The following TMPRSS11F variants were observed in gnomAD, a reference collection of about 807,000 sequenced individuals.
TMPRSS11F encodes the protein transmembrane protease serine 11F.
A neutral mutation model predicts 60.2 loss-of-function variants in TMPRSS11F; 47 were observed. That is an observed-to-expected ratio of 0.78 (90% CI 0.62 to 1.00). TMPRSS11F has a LOEUF of 1.00. TMPRSS11F is among the 50% of genes least tolerant of loss of function. TMPRSS11F has a pLI of 0.00. For missense variants in TMPRSS11F, 519 were observed against 522.9 expected (o/e 0.99, Z 0.07); for synonymous variants, 166 against 167.3 (o/e 0.99, Z 0.06).
At chr4:68,087,927 T>A in intron 3 of TMPRSS11F, among the ~76,000 whole-genome samples, 1 of 140,554 alleles carries the variant, frequency 7.1e-6, no homozygotes, top group Non-Finnish European at 1.5e-5. Context: ...TGTCCATGTG[T>A]TCTCATTGTT....
intron 2 of TMPRSS11F, among the ~76,000 whole-genome samples, chr4:68,092,163 T>C (rs1418944010): frequency 1.3e-5 from 2 of 151,814 alleles, no homozygotes; most frequent in Non-Finnish European, 2.9e-5. Flanking sequence ...TAAATATTCA[T>C]TTAAATTTTT....
At chr4:68,104,450 T>C (rs1724258255) in intron 1 of TMPRSS11F, among the ~76,000 whole-genome samples, 1 of 152,084 alleles carries the variant, frequency 6.6e-6, no homozygotes, top group African/African-American at 2.4e-5. Context: ...CTCATGATAG[T>C]GAGTGAGTTC....
chr4:68,074,144 A>G, intron 3 of TMPRSS11F, 135 bp from the exon 4 acceptor site: 1 of 514,774 alleles, frequency 1.9e-6, no homozygotes, highest in East Asian at 3.5e-5. Context: ...AAAAATAAAA[A>G]TAAAAAAGAT....
At chr4:68,082,730 T>C (rs954374055) in intron 3 of TMPRSS11F, among the ~76,000 whole-genome samples, 3 of 152,212 alleles carry the variant, frequency 2.0e-5, no homozygotes, top group Non-Finnish European at 4.4e-5. Flanking sequence ...CAAGCTGAGA[T>C]CTGTGGCTGG....
chr4:68,103,724 G>T (rs1290197198), intron 1 of TMPRSS11F, among the ~76,000 whole-genome samples: 1 of 152,068 alleles, frequency 6.6e-6, no homozygotes, highest in Non-Finnish European at 1.5e-5. Context: ...TAGGGATTGT[G>T]TTAGATCTAT....
intron 3 of TMPRSS11F, among the ~76,000 whole-genome samples, chr4:68,089,855 T>C (rs17089034): frequency 0.036 from 5,431 of 152,194 alleles, 274 homozygotes; most frequent in African/African-American, 0.11. Context: ...TTCTTGGTTC[T>C]AGAATAACTC....
intron 3 of TMPRSS11F, among the ~76,000 whole-genome samples, chr4:68,083,106 G>T (rs1723739649): frequency 6.6e-6 from 1 of 152,158 alleles, no homozygotes; most frequent in Non-Finnish European, 1.5e-5. Context: ...ACACCACCCT[G>T]CCCAGAGACC....
intron 1 of TMPRSS11F, among the ~76,000 whole-genome samples, chr4:68,126,735 A>G (rs1381006302): frequency 1.3e-5 from 2 of 152,270 alleles, no homozygotes; most frequent in Non-Finnish European, 2.9e-5. Flanking sequence ...ATAAATGAAA[A>G]CAAATTAGCA....
chr4:68,064,402 G>A (rs1386641589), intron 8 of TMPRSS11F, among the ~76,000 whole-genome samples: 1 of 152,016 alleles, frequency 6.6e-6, no homozygotes, highest in Non-Finnish European at 1.5e-5. Context: ...GGCCAGGTGT[G>A]TCTTGAACTC....
At chr4:68,124,878 TTTATC>T (rs1299875122) in intron 1 of TMPRSS11F, among the ~76,000 whole-genome samples, 2 of 152,088 alleles carry the variant, frequency 1.3e-5, no homozygotes, top group East Asian at 1.9e-4. Context: ...CCAACTTGCT[TTTATC>T]TTATCTTACC....
intron 1 of TMPRSS11F, among the ~76,000 whole-genome samples, chr4:68,123,419 T>A (rs958356571): frequency 6.6e-6 from 1 of 152,208 alleles, no homozygotes; most frequent in African/African-American, 2.4e-5. Context: ...GCTCATTCTG[T>A]GAAAAAGTGA....
intron 3 of TMPRSS11F, among the ~76,000 whole-genome samples, chr4:68,075,483 G>T (rs188908603): frequency 1.3e-5 from 2 of 151,374 alleles, no homozygotes; most frequent in East Asian, 1.9e-4. Flanking sequence ...TACCTTCAAA[G>T]TCTCTCTCTC....
At chr4:68,062,794 C>A (rs911331724) in intron 8 of TMPRSS11F, 1 of 748,178 alleles carries the variant, frequency 1.3e-6, no homozygotes. Context: ...GGATGGATAT[C>A]TTGCATTTGG....
At chr4:68,062,261 A>T (rs1379692169) in intron 8 of TMPRSS11F, 2 of 420,048 alleles carry the variant, frequency 4.8e-6, no homozygotes, top group African/African-American at 2.1e-5. Flanking sequence ...CTAAATTAAA[A>T]TTAACTTCAA....
chr4:68,116,341 A>T (rs1484778987), intron 1 of TMPRSS11F, among the ~76,000 whole-genome samples: 1 of 152,184 alleles, frequency 6.6e-6, no homozygotes, highest in African/African-American at 2.4e-5. Flanking sequence ...GTTAAACATT[A>T]AAAAATGCAC....
chr4:68,114,289 T>C (rs1270293616), intron 1 of TMPRSS11F, among the ~76,000 whole-genome samples: 1 of 151,248 alleles, frequency 6.6e-6, no homozygotes, highest in East Asian at 1.9e-4. Flanking sequence ...AGTAGAAAAG[T>C]CAATAGAAAC....
At chr4:68,067,972 A>G (rs887038601) in intron 7 of TMPRSS11F, among the ~76,000 whole-genome samples, 13 of 152,198 alleles carry the variant, frequency 8.5e-5, no homozygotes, top group Admixed American at 7.9e-4. Flanking sequence ...TAGGGTGCCT[A>G]TGTATGTCTC....
chr4:68,090,905 G>T (rs899968926), intron 2 of TMPRSS11F, among the ~76,000 whole-genome samples: 2 of 152,068 alleles, frequency 1.3e-5, no homozygotes, highest in Non-Finnish European at 2.9e-5. Context: ...AATTGGACAT[G>T]CAACATACAG....
chr4:68,099,651 T>C (rs925045045), intron 1 of TMPRSS11F, among the ~76,000 whole-genome samples: 3 of 152,218 alleles, frequency 2.0e-5, no homozygotes, highest in Non-Finnish European at 4.4e-5. Context: ...CAAATAAGAT[T>C]CAATATTGTG....
Sources: gnomAD v4.1 joint callset for allele counts (sites outside exome capture counted in the v4.1 genomes callset) on GRCh38, gnomAD v4.1.1 for gene constraint, MANE v1.5 for transcripts, NCBI Gene and HGNC (gene_info 2026-07-23, HGNC 2026-07-21) for gene names.